PRTG: variants seen among roughly 807,000 people sequenced by gnomAD.
The protein encoded by PRTG is protogenin.
Under a neutral mutation model 122.5 loss-of-function variants are expected in PRTG, and 67 were observed. That is an observed-to-expected ratio of 0.55 (90% confidence interval 0.45 to 0.67). The LOEUF is 0.67. Among genes scored for constraint, PRTG ranks in the 30% least tolerant of loss-of-function variants. PRTG has a pLI of 0.00. For synonymous variants in PRTG, 554 were observed against 501.1 expected (o/e 1.11, Z -1.41); for missense variants, 1,435 against 1,415.4 (o/e 1.01, Z -0.22).
intron 19 of PRTG, 88 bp downstream of exon 19, chr15:55,620,575 T>C (rs1203623353): frequency 6.7e-7 from 1 of 1,484,776 alleles, no homozygotes; most frequent in Admixed American, 2.5e-5. Flanking sequence ...AAAATTAAAA[T>C]AAAGCATGAA....
chr15:55,664,807 A>T (rs539730219), intron 11 of PRTG, among the ~76,000 whole-genome samples: 162 of 151,696 alleles, frequency 1.1e-3, no homozygotes, highest in Non-Finnish European at 1.9e-3. Context: ...GGCTGGTCTC[A>T]AACTCCTTGA....
intron 2 of PRTG, among the ~76,000 whole-genome samples, chr15:55,694,738 A>G (rs1194380647): frequency 6.6e-6 from 1 of 152,280 alleles, no homozygotes; most frequent in East Asian, 1.9e-4. Context: ...TCTGCAAACT[A>G]TTTTCAGTAT....
Position 55,678,037 on chromosome 15 carries a change from C to T in PRTG, c.1141G>A (p.Val381Ile), listed in dbSNP as rs202160989. 169 of 1,576,394 alleles carry T rather than the reference C, an allele frequency of 1.1e-4. 1 individual carries two copies. Among genetic ancestry groups the T allele is most frequent in the Non-Finnish European group, 9.5e-5 (110 of 1,152,668 alleles). The change falls in exon 8 of 20, where the codon GTA becomes ATA. Residue 381 changes from valine (V) to isoleucine (I), a missense_variant. By Grantham distance (29) the Val-to-Ile change is conservative (BLOSUM62 3). Coordinates refer to ENST00000389286, the MANE Select transcript of PRTG (RefSeq NM_173814.6). ...GRIKMYNSKL[V>I]INQIIPEDDA... ...TCTTCAGGAATAATCTGGTTAATTA[C>T]CAATTTACTAGGGAAAGAAAAAAAA...
chr15:55,638,615 G>C lies in PRTG; in HGVS notation c.2386C>G (p.Arg796Gly). Residue 796 changes from arginine to glycine, a missense_variant, in exon 14 of 20, where the codon CGA becomes GGA. Transcript: ENST00000389286. ...EPNTKYEFAV[R>G]LHVDQLSSPW... is the part of the protein sequence containing the mutation. ...CTGGAAAGCTGATCCACATGTAATC[G>C]AACGGCAAATTCGTATTTGGTGTTT... is the stretch of plus-strand genomic sequence containing the variant. 2 of 1,613,218 alleles carry C rather than the reference G, an allele frequency of 1.2e-6. No individual in the cohort carries two copies. Among genetic ancestry groups the C allele is most frequent in the Non-Finnish European group, 1.7e-6 (2 of 1,179,344 alleles).
chr15:55,737,379 T>C (rs1445676343), intron 2 of PRTG, among the ~76,000 whole-genome samples: 1 of 152,192 alleles, frequency 6.6e-6, no homozygotes, highest in Non-Finnish European at 1.5e-5. Flanking sequence ...GTTAGATGAA[T>C]TCTTTTGTGC....
intron 2 of PRTG, among the ~76,000 whole-genome samples, chr15:55,718,926 G>A (rs953723120): frequency 2.6e-5 from 4 of 151,740 alleles, no homozygotes; most frequent in African/African-American, 7.3e-5. Context: ...TTTATTTTTA[G>A]TAGAGACGGG....
chr15:55,739,510 G>T (rs1013702008), intron 2 of PRTG, among the ~76,000 whole-genome samples: 1 of 152,158 alleles, frequency 6.6e-6, no homozygotes, highest in African/African-American at 2.4e-5. Context: ...AAGCATGCAG[G>T]TCAAATGCCT....
intron 2 of PRTG, among the ~76,000 whole-genome samples, chr15:55,712,571 C>T (rs903884895): frequency 6.6e-6 from 1 of 152,158 alleles, no homozygotes; most frequent in Non-Finnish European, 1.5e-5. Context: ...AATTGTGCTG[C>T]CTCCCAAATT....
At position 55,707,827 on chromosome 15, in the gene PRTG, AT is replaced by A. The variant is rs765473679; in HGVS notation, c.398-23897del. ...ATAACAAATGTCACAGAAAAGATGAATAAAACTGCATTCAGGACCAACTGTA... is the reference window on the plus strand; with the variant it reads ...ATAACAAATGTCACAGAAAAGATGAAAAAACTGCATTCAGGACCAACTGTA... On this transcript the variant is annotated intron_variant, in intron 2 of 19. Transcript: ENST00000389286. 1.4e-4 allele frequency among the ~76,000 whole-genome samples: 22 copies of A among 152,318 alleles called. No individual in the cohort carries two copies. In the South Asian group the frequency reaches 4.4e-3, roughly 30 times the overall value.
intron 14 of PRTG, among the ~76,000 whole-genome samples, chr15:55,638,207 C>T (rs946472936): frequency 6.6e-5 from 10 of 152,280 alleles, no homozygotes; most frequent in East Asian, 1.9e-4. Context: ...TTCATTATAA[C>T]GTTGGCTCCT....
Position 55,616,263 on chromosome 15 carries a change from A to C in PRTG, c.*3749T>G, listed in dbSNP as rs946874011. On this transcript the variant is annotated 3_prime_UTR_variant, in exon 20 of 20. Transcript: ENST00000389286. ...AAACATTTCAATTTAACAACTCTAA[A>C]TTCCAATCTCACACCTTTAAAGAGC... The C allele has an allele frequency of 6.6e-6, 1 of 152,110 alleles. No homozygotes were observed. The highest frequency in any genetic ancestry group is 6.6e-5 in the Admixed American group (1 of 15,266). The allele number at this position is 152,110 out of a possible 1,614,324, so 9.4% of individuals were successfully genotyped here.
In PRTG at chr15:55,694,004, C is replaced by G. The variant is rs58699504; in HGVS notation, c.398-10073G>C. On this transcript the variant is annotated intron_variant, in intron 2 of 19. Transcript: ENST00000389286. Reference sequence around the variant, plus strand: ...TTTTTTCCGTTATTTTCTACTAAGCCAAACTTAGGTAGCTTTTGCATAAAG... The same window carrying G: ...TTTTTTCCGTTATTTTCTACTAAGCGAAACTTAGGTAGCTTTTGCATAAAG... 3.2e-4 allele frequency among the ~76,000 whole-genome samples: 48 copies of G among 152,142 alleles called. No individual in the cohort carries two copies. The East Asian group carries it at 9.1e-3, about 29-fold the overall frequency.
At position 55,742,727 on chromosome 15, in the gene PRTG, G is replaced by T. The variant is rs1208914510; in HGVS notation, c.94+111C>A. ...GGGGGCCGGGGGTCAGCGCCACCAC[G>T]GAGGACCCCGCCGCGCGCTCCCCAC... On this transcript the variant is annotated intron_variant, in intron 1 of 19. Transcript: ENST00000389286. 3.7e-6 allele frequency: 5 copies of T among 1,342,732 alleles called. 1 individual carries two copies. The Middle Eastern group carries it at 7.6e-4, about 203-fold the overall frequency. 83.2% of individuals were successfully genotyped at this position (1,342,732 alleles called of 1,614,324 possible). A position where few individuals can be genotyped will look rare whatever the true frequency, so the allele number is the denominator to read the frequency against.
At chr15:55,641,349 G>C in intron 11 of PRTG, 141 bp from the exon 12 acceptor site, 1 of 607,336 alleles carries the variant, frequency 1.6e-6, no homozygotes, top group South Asian at 2.0e-5. Context: ...ACTGCTCATT[G>C]ACTCAGCAAT....
rs2059484179 is a variant in PRTG, at chr15:55,673,418, G to A, written c.1805C>T (p.Ser602Leu). The change falls in exon 10 of 20, where the codon TCA becomes TTA. Residue 602 changes from serine to leucine, a missense_variant. Ser to Leu is a moderately radical substitution (Grantham distance 145, BLOSUM62 -2). Coordinates refer to ENST00000389286, the MANE Select transcript of PRTG (RefSeq NM_173814.6). ...CGTCCTATGTGAAGTCCATACTGAT[G>A]ACTCTCCCAGCCCCACTCTGGTGGC... ...TAATRVGLGE[S>L]SVWTSHRTPK... 13 of 1,614,002 alleles carry A rather than the reference G, an allele frequency of 8.1e-6. No homozygotes were observed. The highest frequency in any genetic ancestry group is 1.1e-5 in the Non-Finnish European group (13 of 1,180,002).
At chr15:55,647,046 C>A (rs942120315) in intron 11 of PRTG, among the ~76,000 whole-genome samples, 1 of 152,050 alleles carries the variant, frequency 6.6e-6, no homozygotes, top group African/African-American at 2.4e-5. Context: ...GTAATCCCAG[C>A]ATTTTGGGAG....
intron 11 of PRTG, among the ~76,000 whole-genome samples, chr15:55,662,699 T>C (rs556588841): frequency 2.6e-5 from 4 of 152,252 alleles, no homozygotes; most frequent in Non-Finnish European, 4.4e-5. Flanking sequence ...TCTCAGAAAA[T>C]GAGAAAGTTT....
intron 4 of PRTG, 78 bp from the exon 5 acceptor site, chr15:55,680,706 C>T: frequency 1.1e-6 from 1 of 945,430 alleles, no homozygotes; most frequent in East Asian, 3.1e-5. Context: ...GACATTTATT[C>T]TTATCACTCA....
intron 15 of PRTG, among the ~76,000 whole-genome samples, chr15:55,629,371 ATATATGTGTGTG>A (rs1252765004): frequency 3.7e-3 from 130 of 35,502 alleles, no homozygotes; most frequent in African/African-American, 5.9e-3. Context: ...ATATATATAT[ATATATGTGTGTG>A]TGTGTGTGTG....
Sources: allele counts gnomAD v4.1 joint callset (sites outside exome capture counted in the v4.1 genomes callset), GRCh38; gene constraint gnomAD v4.1.1; transcripts MANE v1.5; gene names NCBI Gene and HGNC (gene_info 2026-07-23, HGNC 2026-07-21).